The following DLGAP2 variants were observed in gnomAD, a reference collection of about 807,000 sequenced individuals.
DLGAP2 encodes DLG associated protein 2, also known as disks large-associated protein 2.
In DLGAP2, 26 loss-of-function variants were observed where a neutral mutation model predicts 100.3. That is an observed-to-expected ratio of 0.26 (90% CI 0.19 to 0.36). DLGAP2 has a LOEUF of 0.36. Ranked by LOEUF, DLGAP2 falls within the 10% of genes least tolerant of loss-of-function variation. The probability of loss-of-function intolerance (pLI) is 1.00; values close to 1 mark genes in which losing one functional copy is unlikely to be tolerated. For missense variants in DLGAP2, 1,858 were observed against 1,453.2 expected, an observed-to-expected ratio of 1.28 and a Z score of -4.53; for synonymous variants, 886 against 630.1, an observed-to-expected ratio of 1.41 and a Z score of -6.08.
At chr8:1,197,433 G>A (rs1236824363) in intron 2 of DLGAP2, among the ~76,000 whole-genome samples, 1 of 152,344 alleles carries the variant, frequency 6.6e-6, no homozygotes, top group South Asian at 2.1e-4. Context: ...AGAAAATGCT[G>A]TAGAAAAAGG....
At chr8:1,423,383 G>T (rs919908255) in intron 3 of DLGAP2, among the ~76,000 whole-genome samples, 3 of 152,136 alleles carry the variant, frequency 2.0e-5, no homozygotes, top group Non-Finnish European at 4.4e-5. Context: ...TCTCTGGGAG[G>T]GGTCTGGACT....
chr8:1,539,295 C>G (rs1801271120), intron 4 of DLGAP2, among the ~76,000 whole-genome samples: 2 of 152,236 alleles, frequency 1.3e-5, no homozygotes, highest in African/African-American at 4.8e-5. Context: ...CTGCTGTTGG[C>G]CGGATGCCTT....
At chr8:1,304,624 A>C (rs1800446450) in intron 3 of DLGAP2, among the ~76,000 whole-genome samples, 1 of 152,202 alleles carries the variant, frequency 6.6e-6, no homozygotes, top group African/African-American at 2.4e-5. Context: ...ATAATAATTA[A>C]ATTTATATGG....
In DLGAP2 at chr8:1,460,099, C is replaced by T. The variant is rs1465074765; in HGVS notation, c.107-41267C>T. 3.9e-5 allele frequency among the ~76,000 whole-genome samples: 6 copies of T among 152,218 alleles called. No homozygotes were observed. The South Asian group carries it at 1.2e-3, about 32-fold the overall frequency. Reference sequence around the variant, plus strand: ...ACACGTGCAGCGTGAGCAGGAAGGACGCTGGCATGTGGCCGGACTCGGTTC... The same window carrying T: ...ACACGTGCAGCGTGAGCAGGAAGGATGCTGGCATGTGGCCGGACTCGGTTC... On this transcript the variant is annotated intron_variant, in intron 3 of 14. Transcript: ENST00000637795.
chr8:1,581,684 C>T (rs1318580411), intron 6 of DLGAP2, among the ~76,000 whole-genome samples: 1 of 148,330 alleles, frequency 6.7e-6, no homozygotes, highest in East Asian at 2.0e-4. Flanking sequence ...AGACAAAACT[C>T]CACACATATA....
At chr8:1,049,161 T>C (rs2129032473) in intron 2 of DLGAP2, among the ~76,000 whole-genome samples, 1 of 152,358 alleles carries the variant, frequency 6.6e-6, no homozygotes, top group East Asian at 1.9e-4. Flanking sequence ...CTGGTGTCTC[T>C]GAGCCTCGAT....
At chr8:966,052 T>C (rs1401496120) in intron 2 of DLGAP2, among the ~76,000 whole-genome samples, 1 of 152,138 alleles carries the variant, frequency 6.6e-6, no homozygotes, top group East Asian at 1.9e-4. Context: ...ACAAGCGCCA[T>C]TCTTGAGGGA....
At chr8:927,120 A>G in intron 2 of DLGAP2, 1 of 985,438 alleles carries the variant, frequency 1.0e-6, no homozygotes, top group South Asian at 4.7e-5. Flanking sequence ...TTCGGAGCAA[A>G]CTAATCGATT....
At chr8:1,210,830 C>T (rs915132265) in intron 2 of DLGAP2, among the ~76,000 whole-genome samples, 1 of 152,108 alleles carries the variant, frequency 6.6e-6, no homozygotes, top group South Asian at 2.1e-4. Flanking sequence ...CCATGTGGGA[C>T]ACTTTGTAAG....
At chr8:971,122 G>A (rs553209204) in intron 2 of DLGAP2, among the ~76,000 whole-genome samples, 1 of 152,286 alleles carries the variant, frequency 6.6e-6, no homozygotes, top group Non-Finnish European at 1.5e-5. Context: ...ATCAAAATGA[G>A]TAATTTTTGT....
At chr8:1,558,202 C>A (rs1249528805) in intron 5 of DLGAP2, among the ~76,000 whole-genome samples, 3 of 152,206 alleles carry the variant, frequency 2.0e-5, no homozygotes, top group Admixed American at 6.5e-5. Flanking sequence ...CCGTGGCTCC[C>A]ATTCCAAGCA....
intron 2 of DLGAP2, among the ~76,000 whole-genome samples, chr8:977,311 C>T (rs1563124308): frequency 2.0e-5 from 3 of 152,322 alleles, no homozygotes; most frequent in East Asian, 1.9e-4. Context: ...CTGAAGAGCA[C>T]CTCCCATGTT....
At chr8:1,184,995 G>T (rs762439035) in intron 2 of DLGAP2, among the ~76,000 whole-genome samples, 1 of 152,160 alleles carries the variant, frequency 6.6e-6, no homozygotes, top group Non-Finnish European at 1.5e-5. Context: ...GAGCAGGAGT[G>T]TGGGGAGCTG....
At chr8:1,198,803 G>A (rs1385351058) in intron 2 of DLGAP2, among the ~76,000 whole-genome samples, 3 of 152,242 alleles carry the variant, frequency 2.0e-5, no homozygotes, top group African/African-American at 7.2e-5. Flanking sequence ...GAGCCCTACA[G>A]CAGGGGGATG....
chr8:776,742 C>A (rs905648958), intron 1 of DLGAP2, among the ~76,000 whole-genome samples: 1 of 152,156 alleles, frequency 6.6e-6, no homozygotes, highest in African/African-American at 2.4e-5. Flanking sequence ...TGTTCTTTTA[C>A]ATGTGCTGAG....
At chr8:853,029 T>C (rs1797210612) in intron 1 of DLGAP2, among the ~76,000 whole-genome samples, 1 of 152,234 alleles carries the variant, frequency 6.6e-6, no homozygotes, top group South Asian at 2.1e-4. Flanking sequence ...TAGTTACAGA[T>C]ACTTTAGGAG....
chr8:1,538,766 G>A lies in DLGAP2; in HGVS notation c.173-9860G>A, dbSNP rs564170327. Among the ~76,000 whole-genome samples, 220 of 152,210 alleles carry A rather than the reference G, an allele frequency of 1.4e-3. 3 individuals are homozygous for A. Among genetic ancestry groups the A allele is most frequent in the Non-Finnish European group, 1.8e-3 (120 of 68,020 alleles). On this transcript the variant is annotated intron_variant, in intron 4 of 14. Coordinates refer to ENST00000637795, the MANE Select transcript of DLGAP2 (RefSeq NM_001346810.2). Reference sequence around the variant, plus strand: ...CAGCCCTCCCCGCAGCGTGGCCACAGCCACTCAGAACTCCAGAGAGTCACG... The same window carrying A: ...CAGCCCTCCCCGCAGCGTGGCCACAACCACTCAGAACTCCAGAGAGTCACG...
intron 1 of DLGAP2, among the ~76,000 whole-genome samples, chr8:780,859 C>G (rs1821664281): frequency 6.6e-6 from 1 of 152,284 alleles, no homozygotes; most frequent in Non-Finnish European, 1.5e-5. Context: ...ATTCCTTTTC[C>G]AAGGATCCAA....
At chr8:1,417,960 A>G (rs1276460385) in intron 3 of DLGAP2, among the ~76,000 whole-genome samples, 3 of 141,602 alleles carry the variant, frequency 2.1e-5, no homozygotes, top group Non-Finnish European at 4.4e-5. Flanking sequence ...GTCTGTCGTG[A>G]AAAAAAAAGA....
Sources: gnomAD v4.1 joint callset for allele counts (sites outside exome capture counted in the v4.1 genomes callset) on GRCh38, gnomAD v4.1.1 for gene constraint, MANE v1.5 for transcripts, NCBI Gene and HGNC (gene_info 2026-07-23, HGNC 2026-07-21) for gene names.